Variants in SLC14A2 observed in about 807,000 individuals in gnomAD.
The protein encoded by SLC14A2 is urea transporter 2.
SLC14A2 carries 91 observed loss-of-function variants against 104.6 expected under a neutral mutation model. The ratio of observed to expected loss-of-function variants is 0.87; its 90% CI spans 0.73 to 1.04. The LOEUF (loss-of-function observed/expected upper bound fraction) is 1.04, where lower values mean the gene tolerates loss of function less well. Ranked by LOEUF, SLC14A2 falls within the 50% of genes least tolerant of loss-of-function variation. The pLI, the probability that SLC14A2 is intolerant of heterozygous loss-of-function variation, is 0.00. For missense variants in SLC14A2, 1,189 were observed against 1,156.0 expected, an observed-to-expected ratio of 1.03 and a Z score of -0.41; for synonymous variants, 476 against 466.4, an observed-to-expected ratio of 1.02 and a Z score of -0.27.
chr18:45,512,873 A>G (rs2043386145), intron 2 of SLC14A2, among the ~76,000 whole-genome samples: 1 of 152,204 alleles, frequency 6.6e-6, no homozygotes, highest in Non-Finnish European at 1.5e-5. Flanking sequence ...AGCAACCAGT[A>G]CCGTGGCTAG....
intron 1 of SLC14A2, among the ~76,000 whole-genome samples, chr18:45,444,535 T>TA (rs1226019357): frequency 8.5e-5 from 13 of 152,334 alleles, no homozygotes; most frequent in African/African-American, 3.1e-4. Context: ...GATCTGTCCA[T>TA]ATTTAAAAAG....
At chr18:45,180,214 T>C in the SLC14A2 span, among the ~76,000 whole-genome samples, 1 of 152,106 alleles carries the variant, frequency 6.6e-6, no homozygotes, top group Non-Finnish European at 1.5e-5. Flanking sequence ...ACTGCTGGGT[T>C]TTAAGTCCTG....
chr18:45,509,419 G>C lies in SLC14A2; in HGVS notation c.-35+26097G>C, dbSNP rs538428272. The stretch of plus-strand genomic sequence containing the variant: ...TGTCTTTCTTTCTCAGTCTCTATCT[G>C]TTTCTGTTACATACACATAAATGTT... On this transcript the variant is annotated intron_variant, in intron 2 of 20. Coordinates refer to the SLC14A2 transcript ENST00000586448. Among the ~76,000 whole-genome samples the C allele has an allele frequency of 7.9e-5, 12 of 151,902 alleles. No homozygotes were observed. The South Asian group carries it at 2.5e-3, about 32-fold the overall frequency.
At chr18:45,373,513 A>G (rs2085743728) in intron 1 of SLC14A2, among the ~76,000 whole-genome samples, 3 of 152,092 alleles carry the variant, frequency 2.0e-5, no homozygotes, top group South Asian at 2.1e-4. Context: ...AATCACCTAC[A>G]TGCTCCCTCT....
chr18:45,391,032 A>G (rs2085955790), intron 1 of SLC14A2, among the ~76,000 whole-genome samples: 1 of 151,684 alleles, frequency 6.6e-6, no homozygotes, highest in African/African-American at 2.4e-5. Context: ...GCATCCATTA[A>G]CTCGTCATTT....
chr18:45,498,079 C>A (rs2043130260), intron 2 of SLC14A2, among the ~76,000 whole-genome samples: 1 of 151,936 alleles, frequency 6.6e-6, no homozygotes, highest in African/African-American at 2.4e-5. Context: ...GCCTTAGAAA[C>A]AACATGGAAG....
intron 2 of SLC14A2, among the ~76,000 whole-genome samples, chr18:45,587,670 T>C (rs898072176): frequency 3.3e-5 from 5 of 151,998 alleles, no homozygotes; most frequent in Admixed American, 1.3e-4. Context: ...ATCTTGGAAG[T>C]CACTTAATCC....
At chr18:45,369,004 G>A (rs964265588) in intron 1 of SLC14A2, among the ~76,000 whole-genome samples, 5 of 152,096 alleles carry the variant, frequency 3.3e-5, no homozygotes, top group African/African-American at 1.2e-4. Context: ...GTTGTAATGG[G>A]GATACCTAAA....
At chr18:45,244,867 C>A (rs571360189) in intron 1 of SLC14A2, among the ~76,000 whole-genome samples, 208 of 152,326 alleles carry the variant, frequency 1.4e-3, no homozygotes, top group African/African-American at 4.8e-3. Flanking sequence ...CACATCTATT[C>A]ATTCATCCAT....
At chr18:45,183,589 C>G in the SLC14A2 span, among the ~76,000 whole-genome samples, 1 of 152,130 alleles carries the variant, frequency 6.6e-6, no homozygotes, top group South Asian at 2.1e-4. Context: ...CTGACACTTT[C>G]CTAGGTTGCA....
chr18:45,460,206 C>T (rs1313122985), intron 1 of SLC14A2, among the ~76,000 whole-genome samples: 1 of 152,190 alleles, frequency 6.6e-6, no homozygotes, highest in Non-Finnish European at 1.5e-5. Flanking sequence ...TCTACCATGG[C>T]ACCATTTCAG....
chr18:45,231,864 T>A (rs1046330497), intron 1 of SLC14A2, among the ~76,000 whole-genome samples: 4 of 152,166 alleles, frequency 2.6e-5, no homozygotes, highest in African/African-American at 9.7e-5. Context: ...GGAGTGTTTA[T>A]AGTGTGGTGA....
intron 1 of SLC14A2, among the ~76,000 whole-genome samples, chr18:45,395,470 G>C (rs1411087400): frequency 1.3e-5 from 2 of 152,168 alleles, no homozygotes; most frequent in Admixed American, 1.3e-4. Flanking sequence ...CTAGAGATCT[G>C]CTTCACAACA....
At chr18:45,176,837 C>G in the SLC14A2 span, among the ~76,000 whole-genome samples, 5 of 152,250 alleles carry the variant, frequency 3.3e-5, no homozygotes, top group African/African-American at 1.2e-4. Context: ...TCTTGGAGAT[C>G]TCAAAGATGT....
At chr18:45,342,311 G>T (rs2085404019) in intron 1 of SLC14A2, among the ~76,000 whole-genome samples, 1 of 152,182 alleles carries the variant, frequency 6.6e-6, no homozygotes, top group Admixed American at 6.5e-5. Context: ...CTGGATAAGG[G>T]CTTGAGCTGA....
chr18:45,615,762 C>G (rs914178424), intron 1 of SLC14A2, among the ~76,000 whole-genome samples, 180 bp downstream of exon 1: 2 of 152,004 alleles, frequency 1.3e-5, no homozygotes, highest in African/African-American at 4.8e-5. Flanking sequence ...CTAGAGCCAC[C>G]TCGGGGCAGC....
chr18:45,243,261 C>CTG (rs1291618637), intron 1 of SLC14A2, among the ~76,000 whole-genome samples: 1 of 152,200 alleles, frequency 6.6e-6, no homozygotes, highest in Non-Finnish European at 1.5e-5. Flanking sequence ...TTATTGCTTA[C>CTG]TGTGAGTGAG....
At chr18:45,358,371 T>C (rs1487096502) in intron 1 of SLC14A2, among the ~76,000 whole-genome samples, 2 of 152,178 alleles carry the variant, frequency 1.3e-5, no homozygotes, top group Non-Finnish European at 2.9e-5. Flanking sequence ...GCTTCATTTC[T>C]ATGAAAAAGA....
chr18:45,266,114 G>A (rs1437933117), intron 1 of SLC14A2, among the ~76,000 whole-genome samples: 1 of 152,122 alleles, frequency 6.6e-6, no homozygotes. Context: ...ATCTCCTGAA[G>A]GTGATCTTGA....
Sources: allele counts gnomAD v4.1 joint callset (sites outside exome capture counted in the v4.1 genomes callset), GRCh38; gene constraint gnomAD v4.1.1; transcripts MANE v1.5; gene names NCBI Gene and HGNC (gene_info 2026-07-23, HGNC 2026-07-21).